Variants in EGLN1 observed in about 807,000 individuals in gnomAD.
EGLN1 encodes the protein egl-9 family hypoxia inducible factor 1, also known as egl nine homolog 1.
In EGLN1, 17 loss-of-function variants were observed where a neutral mutation model predicts 38.3. That is an observed-to-expected ratio of 0.44 (90% confidence interval 0.30 to 0.67). EGLN1 has a LOEUF of 0.67. EGLN1 is among the 30% of genes least tolerant of loss of function. The pLI, the probability that EGLN1 is intolerant of heterozygous loss-of-function variation, is 0.08. For missense variants in EGLN1, 477 were observed against 603.3 expected, an observed-to-expected ratio of 0.79 and a Z score of 2.19; for synonymous variants, 283 against 257.5, an observed-to-expected ratio of 1.10 and a Z score of -0.95.
chr1:231,416,133 G>A (rs1187593085), intron 1 of EGLN1, among the ~76,000 whole-genome samples: 1 of 152,072 alleles, frequency 6.6e-6, no homozygotes, highest in Non-Finnish European at 1.5e-5. Context: ...TAACAGGCGT[G>A]AGCCACCGCA....
Position 231,421,002 on chromosome 1 carries a change from G to A in EGLN1, c.887C>T (p.Thr296Met). The A allele has an allele frequency of 6.2e-7, 1 of 1,613,872 alleles. No homozygotes were observed. Among genetic ancestry groups the A allele is most frequent in the Non-Finnish European group, 8.5e-7 (1 of 1,179,998 alleles). The change falls in exon 1 of 5, where the codon ACG becomes ATG. Residue 296 changes from threonine to methionine, a missense_variant. By Grantham distance (81) the Thr-to-Met change is moderately conservative (BLOSUM62 -1). Transcript: ENST00000366641. The surrounding 1 kb of genome is among the most constrained non-coding windows in gnomAD (Gnocchi z 5.5). The stretch of plus-strand genomic sequence containing the variant: ...AAACCCGCAGCACACACTTACTTTC[G>A]TCCGGCCATTGATTTTGTAGCTGCC... ...KLGSYKINGR[T>M]KAMVACYPGN... is the part of the protein sequence containing the mutation.
At chr1:231,391,341 C>G (rs1306607489) in intron 1 of EGLN1, among the ~76,000 whole-genome samples, 1 of 151,918 alleles carries the variant, frequency 6.6e-6, no homozygotes, top group Admixed American at 6.6e-5. Context: ...TCTGATCTAG[C>G]AGAGATTTAA....
At chr1:231,387,131 C>T (rs1688233160) in intron 1 of EGLN1, among the ~76,000 whole-genome samples, 2 of 151,178 alleles carry the variant, frequency 1.3e-5, no homozygotes, top group Admixed American at 1.3e-4. Flanking sequence ...AGCACTGAGA[C>T]TACAGGTGTG....
In EGLN1 at chr1:231,367,565, T is replaced by G; in HGVS notation, c.1216+4A>C. ...AATATATCCTGGCCCCAAATGACGTTTACCTGTTAGATATTTTACTTTAGC... is the reference window on the plus strand; with the variant it reads ...AATATATCCTGGCCCCAAATGACGTGTACCTGTTAGATATTTTACTTTAGC... On this transcript the variant is annotated splice_donor_region_variant and intron_variant, in intron 4 of 4. Transcript: ENST00000366641. 1 of 1,614,002 alleles carries G rather than the reference T, an allele frequency of 6.2e-7. No individual in the cohort carries two copies. Among genetic ancestry groups the G allele is most frequent in the Non-Finnish European group, 8.5e-7 (1 of 1,179,954 alleles).
chr1:231,394,382 CTT>C (rs35843267), intron 1 of EGLN1, among the ~76,000 whole-genome samples: 2 of 136,648 alleles, frequency 1.5e-5, no homozygotes, highest in Non-Finnish European at 1.5e-5. Flanking sequence ...CCCAATTTTC[CTT>C]TTTTTTTTTT....
chr1:231,382,108 A>T (rs10489611), intron 1 of EGLN1, among the ~76,000 whole-genome samples: 82,976 of 152,080 alleles, frequency 0.55, 24,266 homozygotes, highest in Non-Finnish European at 0.65. Context: ...ACAGAACAAA[A>T]CACTTAGCTG....
chr1:231,388,748 G>C (rs1473980523), intron 1 of EGLN1, among the ~76,000 whole-genome samples: 1 of 152,042 alleles, frequency 6.6e-6, no homozygotes, highest in Non-Finnish European at 1.5e-5. Context: ...TCCGCCTCCT[G>C]AGTTCAAGCG....
intron 1 of EGLN1, among the ~76,000 whole-genome samples, chr1:231,415,626 GTTCTGCATAGCGCTT>G (rs1290663726): frequency 2.0e-5 from 3 of 152,200 alleles, no homozygotes; most frequent in Admixed American, 1.3e-4. Context: ...GTTAAGAACA[GTTCTGCATAGCGCTT>G]TACCATCTAA....
chr1:231,382,795 A>G (rs2474624), intron 1 of EGLN1, among the ~76,000 whole-genome samples: 79,535 of 151,996 alleles, frequency 0.52, 22,837 homozygotes, highest in Non-Finnish European at 0.64. Context: ...TGGTGGCTCA[A>G]GCCGGTAATC....
intron 1 of EGLN1, among the ~76,000 whole-genome samples, chr1:231,396,249 CTTTT>C (rs5781649): frequency 1.4e-4 from 20 of 139,164 alleles, no homozygotes; most frequent in African/African-American, 5.0e-4. Context: ...TCACTGGCTT[CTTTT>C]TTTTTTTTTC....
chr1:231,392,039 G>A (rs187543638), intron 1 of EGLN1, among the ~76,000 whole-genome samples: 1 of 152,170 alleles, frequency 6.6e-6, no homozygotes, highest in African/African-American at 2.4e-5. Context: ...TGTAATCCCA[G>A]CGCTTTGGGA....
At chr1:231,375,106 T>A (rs1486242995) in intron 1 of EGLN1, among the ~76,000 whole-genome samples, 1 of 152,236 alleles carries the variant, frequency 6.6e-6, no homozygotes, top group African/African-American at 2.4e-5. Flanking sequence ...TTGACCAGGC[T>A]AGAGTGCAGT....
intron 3 of EGLN1, among the ~76,000 whole-genome samples, chr1:231,370,068 C>T (rs775395457): frequency 6.6e-6 from 1 of 152,192 alleles, no homozygotes; most frequent in African/African-American, 2.4e-5. Flanking sequence ...TTAACTCCCA[C>T]ACATGGTAAC....
At chr1:231,372,175 T>C (rs1009695770) in intron 2 of EGLN1, among the ~76,000 whole-genome samples, 2 of 152,212 alleles carry the variant, frequency 1.3e-5, no homozygotes, top group Non-Finnish European at 2.9e-5. Context: ...CCCTCCTGTG[T>C]GCTCCATAGC....
intron 1 of EGLN1, among the ~76,000 whole-genome samples, chr1:231,399,959 TAACA>T: frequency 6.6e-6 from 1 of 152,258 alleles, no homozygotes; most frequent in East Asian, 1.9e-4. Flanking sequence ...ATAAAGAAGT[TAACA>T]AACAAGCAAC....
At chr1:231,404,933 T>C (rs1407377512) in intron 1 of EGLN1, among the ~76,000 whole-genome samples, 2 of 152,114 alleles carry the variant, frequency 1.3e-5, no homozygotes, top group African/African-American at 4.8e-5. Flanking sequence ...CTGAACACTA[T>C]TTCCTTTCTC....
rs559466164 is a variant in EGLN1 at position 231,421,340 on chromosome 1, C to A, written c.549G>T (p.Gly183=). 1 of 1,610,938 alleles carries A rather than the reference C, an allele frequency of 6.2e-7. No homozygotes were observed. The highest frequency in any genetic ancestry group is 1.7e-5 in the Admixed American group (1 of 59,862). The part of the protein sequence containing the change: ...LSPGGGLRPN[G]QTKPLPALKL... ...TCAGCGCCGGCAGGGGCTTCGTCTG[C>A]CCGTTGGGCCGCAGGCCGCCGCCGG... The change falls in exon 1 of 5, where the codon GGG becomes GGT. Residue 183 remains glycine (G), a synonymous_variant. Coordinates refer to ENST00000366641, the MANE Select transcript of EGLN1 (RefSeq NM_022051.3). The surrounding 1 kb of genome is among the most constrained non-coding windows in gnomAD (Gnocchi z 5.5).
chr1:231,405,076 A>G (rs562749757), intron 1 of EGLN1, among the ~76,000 whole-genome samples: 9 of 152,362 alleles, frequency 5.9e-5, no homozygotes, highest in African/African-American at 1.7e-4. Context: ...TCTGATGACA[A>G]TGTTAACCAA....
intron 1 of EGLN1, among the ~76,000 whole-genome samples, chr1:231,381,542 AT>A (rs1688078212): frequency 6.6e-6 from 1 of 152,166 alleles, no homozygotes; most frequent in Non-Finnish European, 1.5e-5. Context: ...TTAGGCTCTA[AT>A]TCTAGCCCAT....
Sources: gnomAD v4.1 joint callset for allele counts (sites outside exome capture counted in the v4.1 genomes callset) on GRCh38, gnomAD v4.1.1 for gene constraint, Gnocchi (gnomAD v3.1) non-coding constraint, MANE v1.5 for transcripts, NCBI Gene and HGNC (gene_info 2026-07-23, HGNC 2026-07-21) for gene names.